Variants in USP28 observed in about 807,000 individuals in gnomAD.
The protein encoded by USP28 is ubiquitin specific peptidase 28.
Under a neutral mutation model 145.0 loss-of-function variants are expected in USP28, and 113 were observed. The observed-to-expected ratio is 0.78, with a 90% CI of 0.67 to 0.91. The LOEUF is 0.91. USP28 is among the 40% of genes least tolerant of loss of function. USP28 has a pLI of 0.00. For synonymous variants in USP28, 447 were observed against 450.9 expected (o/e 0.99, Z 0.11); for missense variants, 1,201 against 1,289.6 (o/e 0.93, Z 1.05).
At chr11:113,813,293 A>C (rs1429936382) in intron 15 of USP28, among the ~76,000 whole-genome samples, 3 of 149,774 alleles carry the variant, frequency 2.0e-5, no homozygotes, top group Non-Finnish European at 4.4e-5. Flanking sequence ...CCCTCCTCCA[A>C]GCCATTCTGC....
intron 12 of USP28, 125 bp downstream of exon 12, chr11:113,823,477 ATTT>A: frequency 1.3e-6 from 1 of 760,468 alleles, no homozygotes; most frequent in Non-Finnish European, 2.1e-6. Context: ...TAGACAAAAA[ATTT>A]TCTTAGCTGT....
chr11:113,827,047 G>C (rs1267777611), intron 11 of USP28, among the ~76,000 whole-genome samples, 186 bp downstream of exon 11: 1 of 151,836 alleles, frequency 6.6e-6, no homozygotes, highest in Non-Finnish European at 1.5e-5. Context: ...CCGGAGATCA[G>C]AAGCAACATG....
chr11:113,856,574 A>T (rs1364151910), intron 1 of USP28, among the ~76,000 whole-genome samples: 1 of 152,220 alleles, frequency 6.6e-6, no homozygotes, highest in Non-Finnish European at 1.5e-5. Context: ...GCACAGAGAG[A>T]TTAACTTTAC....
chr11:113,831,943 T>G, exon 8 of USP28: 1 of 1,613,966 alleles, frequency 6.2e-7, no homozygotes, highest in Non-Finnish European at 8.5e-7. Context: ...CTAGCTGGAA[T>G]GCGTCCTCTA....
intron 1 of USP28, among the ~76,000 whole-genome samples, chr11:113,861,166 GT>G (rs1194139717): frequency 6.6e-6 from 1 of 151,496 alleles, no homozygotes. Context: ...AACAGAGATG[GT>G]TGCTAACCTT....
At chr11:113,874,947 G>A in intron 1 of USP28, 1 of 977,014 alleles carries the variant, frequency 1.0e-6, no homozygotes, top group Non-Finnish European at 1.2e-6. Flanking sequence ...TTGGGAGGGA[G>A]GGAAGTGGTG....
chr11:113,842,262 C>G (rs1190866724), intron 3 of USP28, among the ~76,000 whole-genome samples: 1 of 151,196 alleles, frequency 6.6e-6, no homozygotes, highest in Non-Finnish European at 1.5e-5. Context: ...CAAATAGAAC[C>G]CAATAATATA....
chr11:113,851,283 C>T (rs977904522), intron 3 of USP28, among the ~76,000 whole-genome samples: 2 of 152,188 alleles, frequency 1.3e-5, no homozygotes, highest in Non-Finnish European at 1.5e-5. Flanking sequence ...TTGCTCCAAA[C>T]TCTTCAAAGG....
chr11:113,829,253 C>T, exon 10 of USP28: 3 of 1,614,180 alleles, frequency 1.9e-6, no homozygotes, highest in Non-Finnish European at 2.5e-6. Context: ...TCACCCTCCA[C>T]CATGGCCCCT....
chr11:113,851,514 A>T (rs958977258), intron 3 of USP28, among the ~76,000 whole-genome samples: 3 of 152,094 alleles, frequency 2.0e-5, no homozygotes, highest in Non-Finnish European at 4.4e-5. Flanking sequence ...AGTCCATCCC[A>T]GCCAGGAGCA....
Position 113,819,972 on chromosome 11 carries a change from G to A in USP28, c.1284-2135C>T, listed in dbSNP as rs192122646. Among the ~76,000 whole-genome samples the A allele has an allele frequency of 1.9e-3, 291 of 152,278 alleles. 1 individual carries two copies. Among genetic ancestry groups the A allele is most frequent in the African/African-American group, 6.5e-3 (271 of 41,562 alleles). Reference sequence around the variant, plus strand: ...GACCTCAAGTGATCCACCGCGCCCGGCCAGACTAAAAACCATTAACCCATT... The same window carrying A: ...GACCTCAAGTGATCCACCGCGCCCGACCAGACTAAAAACCATTAACCCATT... On this transcript the variant is annotated intron_variant, in intron 12 of 24. Coordinates refer to ENST00000003302, the Ensembl canonical transcript of USP28.
intron 1 of USP28, among the ~76,000 whole-genome samples, chr11:113,866,416 A>T (rs1368097120): frequency 6.6e-6 from 1 of 152,152 alleles, no homozygotes; most frequent in Non-Finnish European, 1.5e-5. Flanking sequence ...GATATAAAAA[A>T]CTCTCTTTGA....
intron 24 of USP28, among the ~76,000 whole-genome samples, chr11:113,800,227 C>G (rs1938723564): frequency 6.6e-6 from 1 of 151,914 alleles, no homozygotes; most frequent in Non-Finnish European, 1.5e-5. Context: ...GGATGGTCTC[C>G]ATCTCCTGAC....
intron 21 of USP28, 28 bp from the exon 23 acceptor site, chr11:113,803,905 T>A: frequency 6.3e-7 from 1 of 1,591,838 alleles, no homozygotes; most frequent in Non-Finnish European, 8.6e-7. Flanking sequence ...TTATTAATAA[T>A]CATGATCATA....
chr11:113,851,260 T>A (rs1946413118), intron 3 of USP28, among the ~76,000 whole-genome samples: 1 of 152,116 alleles, frequency 6.6e-6, no homozygotes, highest in African/African-American at 2.4e-5. Context: ...GGAAATCAGT[T>A]TATATCATTC....
At chr11:113,841,790 A>C in intron 3 of USP28, 22 bp from the exon 4 acceptor site, 1 of 1,543,818 alleles carries the variant, frequency 6.5e-7, no homozygotes, top group Non-Finnish European at 8.9e-7. Context: ...ACAGAAATTT[A>C]ATTAGTCTAT....
At chr11:113,861,704 C>T (rs184754027) in intron 1 of USP28, among the ~76,000 whole-genome samples, 43 of 152,230 alleles carry the variant, frequency 2.8e-4, no homozygotes, top group Admixed American at 2.2e-3. Context: ...TTATCTTTCC[C>T]GAAATTGTCT....
chr11:113,813,962 G>C lies in USP28; in HGVS notation c.1673-7C>G, dbSNP rs1245587868. Reference sequence around the variant, plus strand: ...GCAATACAAGTCTTTAAATCTGTTTGGAAAAAGAAAAACAAAAGCTTCACT... The same window carrying C: ...GCAATACAAGTCTTTAAATCTGTTTCGAAAAAGAAAAACAAAAGCTTCACT... On this transcript the variant is annotated splice_region_variant and splice_polypyrimidine_tract_variant and intron_variant, in intron 14 of 24. Coordinates refer to ENST00000003302, the Ensembl canonical transcript of USP28. 1.3e-6 allele frequency: 2 copies of C among 1,595,082 alleles called. No homozygotes were observed. The highest frequency in any genetic ancestry group is 1.7e-6 in the Non-Finnish European group (2 of 1,173,368).
chr11:113,835,278 C>T (rs1944441267), intron 5 of USP28: 1 of 455,872 alleles, frequency 2.2e-6, no homozygotes, highest in Non-Finnish European at 4.4e-6. Context: ...ACATGCTCCT[C>T]AAATGAAAAC....
Sources: gnomAD v4.1 joint callset for allele counts (sites outside exome capture counted in the v4.1 genomes callset) on GRCh38, gnomAD v4.1.1 for gene constraint, MANE v1.5 for transcripts, NCBI Gene and HGNC (gene_info 2026-07-23, HGNC 2026-07-21) for gene names.